The following JAKMIP3 variants were observed in gnomAD, a reference collection of about 807,000 sequenced individuals.
JAKMIP3 encodes Janus kinase and microtubule interacting protein 3.
Under a neutral mutation model 118.5 loss-of-function variants are expected in JAKMIP3, and 58 were observed. That is an observed-to-expected ratio of 0.49 (90% CI 0.40 to 0.61). The LOEUF (loss-of-function observed/expected upper bound fraction) is 0.61. JAKMIP3 is among the 20% of genes least tolerant of loss of function. JAKMIP3 has a pLI of 0.00. For synonymous variants in JAKMIP3, 486 were observed against 451.2 expected (o/e 1.08, Z -0.98); for missense variants, 950 against 1,109.0 (o/e 0.86, Z 2.04).
chr10:132,165,974 A>G (rs980959260), intron 21 of JAKMIP3, among the ~76,000 whole-genome samples: 1 of 152,150 alleles, frequency 6.6e-6, no homozygotes, highest in Non-Finnish European at 1.5e-5. Context: ...CCCCAAACCA[A>G]ATGTCTGTTT....
intron 23 of JAKMIP3, among the ~76,000 whole-genome samples, chr10:132,171,652 C>CTTTTTTTTTTTTTTTT (rs34371364): frequency 7.4e-6 from 1 of 135,770 alleles, no homozygotes. Context: ...TTTTTTCTTT[C>CTTTTTTTTTTTTTTTT]TTTTTTTTTT....
chr10:132,042,937 A>AAAT (rs3068004), intron 1 of JAKMIP3, among the ~76,000 whole-genome samples: 80,682 of 148,388 alleles, frequency 0.54, 23,047 homozygotes, highest in East Asian at 0.81. Context: ...AAAAAAAAAA[A>AAAT]ACAAAAATTA....
At chr10:132,133,247 G>A (rs1023502323) in intron 3 of JAKMIP3, 65 bp from the exon 4 acceptor site, 13 of 1,376,808 alleles carry the variant, frequency 9.4e-6, no homozygotes, top group South Asian at 3.8e-5. Flanking sequence ...GGCTGCGCCC[G>A]TTTCTATGGT....
intron 1 of JAKMIP3, among the ~76,000 whole-genome samples, chr10:132,070,291 G>C (rs997326498): frequency 1.3e-5 from 2 of 152,256 alleles, no homozygotes; most frequent in African/African-American, 2.4e-5. Context: ...GGAATTACAG[G>C]TGTCCGCCAC....
At position 132,117,155 on chromosome 10, in the gene JAKMIP3, C is replaced by T; in HGVS notation, c.214C>T (p.Leu72Phe). The T allele has an allele frequency of 6.2e-7, 1 of 1,613,808 alleles. No individual in the cohort carries two copies. The highest frequency in any genetic ancestry group is 8.5e-7 in the Non-Finnish European group (1 of 1,179,886). The part of the protein sequence containing the change: ...EHEQHKTAVL[L>F]TELKTKLHEE... ...TGAGCAGCATAAGACCGCGGTCTTG[C>T]TCACGGAGCTCAAGACAAAGCTGCA... is the stretch of plus-strand genomic sequence containing the variant. Residue 72 changes from leucine (L) to phenylalanine (F), a missense_variant, in exon 3 of 24, where the codon CTC becomes TTC. Physicochemically the swap from Leu to Phe is conservative, Grantham distance 22. Coordinates refer to ENST00000684848, the MANE Select transcript of JAKMIP3 (RefSeq NM_001323087.2). The surrounding 1 kb of genome is among the most constrained non-coding windows in gnomAD (Gnocchi z 8.6).
rs1189302656 is a variant in JAKMIP3, at chr10:132,145,123, A to G, written c.1619A>G (p.Gln540Arg). 6.2e-7 allele frequency: 1 copy of G among 1,612,458 alleles called. No individual in the cohort carries two copies. Residue 540 changes from glutamine (Q) to arginine (R), a missense_variant, in exon 12 of 24, where the codon CAA becomes CGA. Gln to Arg is a conservative substitution (Grantham distance 43, BLOSUM62 1). Transcript: ENST00000684848. ...EREVKTREQL[Q>R]AEVQRAQARI... ...GTCCTACAGACCCGTGAGCAGCTAC[A>G]AGCCGAAGTGCAGAGGGCACAGGCG...
rs1439143197 is a variant in JAKMIP3, at chr10:132,135,992, C to G, written c.1032C>G (p.Leu344=). The change falls in exon 6 of 24, where the codon CTC becomes CTG. Residue 344 remains leucine (L), a synonymous_variant. Coordinates refer to ENST00000684848, the MANE Select transcript of JAKMIP3 (RefSeq NM_001323087.2). ...CTCTGCTGGATAAAAACAAGCGCCTCAGTCGGAAGAACGAGGATTTGTCTC... is the reference window on the plus strand; with the variant it reads ...CTCTGCTGGATAAAAACAAGCGCCTGAGTCGGAAGAACGAGGATTTGTCTC... ...YKPLLDKNKR[L]SRKNEDLSHA... is the part of the protein sequence containing the mutation. 1 of 1,613,478 alleles carries G rather than the reference C, an allele frequency of 6.2e-7. No homozygotes were observed. Among genetic ancestry groups the G allele is most frequent in the East Asian group, 2.2e-5 (1 of 44,886 alleles).
intron 1 of JAKMIP3, among the ~76,000 whole-genome samples, 45 bp downstream of exon 1, chr10:132,066,106 G>T (rs144182028): frequency 6.6e-6 from 1 of 152,136 alleles, no homozygotes; most frequent in Admixed American, 6.5e-5. Context: ...TGTTGGTTTC[G>T]GTTTGGCTGT....
intron 19 of JAKMIP3, among the ~76,000 whole-genome samples, chr10:132,157,529 GTGT>G (rs1162330107): frequency 1.3e-5 from 2 of 152,302 alleles, no homozygotes; most frequent in Admixed American, 6.5e-5. Flanking sequence ...CACACTTAAG[GTGT>G]TGTTAGGAAC....
upstream of JAKMIP3, among the ~76,000 whole-genome samples, chr10:132,065,581 G>A (rs1215241874): frequency 5.9e-5 from 9 of 152,072 alleles, no homozygotes; most frequent in Admixed American, 4.6e-4. The surrounding 1 kb of genome is among the most constrained non-coding windows in gnomAD (Gnocchi z 5.6). Context: ...GGCCTCTGCC[G>A]CTCGCTGGTT....
intron 1 of JAKMIP3, among the ~76,000 whole-genome samples, chr10:132,089,431 G>A (rs1303149488): frequency 7.2e-5 from 11 of 152,178 alleles, no homozygotes; most frequent in Admixed American, 7.2e-4. Context: ...CACATCCCTT[G>A]TAAGTTGGAT....
At position 132,180,718 on chromosome 10, in the gene JAKMIP3, T is replaced by TGTGTGCGCGCGTGTGTGCGC. The variant is rs2061140602; in HGVS notation, c.*1104-1638_*1104-1637insTGTGCGCGCGTGTGTGCGCG. Reference sequence around the variant, plus strand: ...GTGCGTGTGTGTGTGCGCGTGTGTGTGCGTGTGTGTGCGTGTGTGCGTGCG... The same window carrying TGTGTGCGCGCGTGTGTGCGC: ...GTGCGTGTGTGTGTGCGCGTGTGTGTGTGTGCGCGCGTGTGTGCGCGCGTGTGTGTGCGTGTGTGCGTGCG... On this transcript the variant is annotated intron_variant, in intron 23 of 23. Transcript: ENST00000684848. 1.1e-4 allele frequency among the ~76,000 whole-genome samples: 2 copies of TGTGTGCGCGCGTGTGTGCGC among 18,774 alleles called. 1 individual carries two copies. The highest frequency in any genetic ancestry group is 6.0e-4 in the African/African-American group (2 of 3,338). The allele number at this position is 18,774 out of a possible 152,430, so 12.3% of individuals were successfully genotyped here.
chr10:132,166,438 C>T (rs893958149), intron 21 of JAKMIP3, among the ~76,000 whole-genome samples: 5 of 152,318 alleles, frequency 3.3e-5, no homozygotes, highest in East Asian at 1.9e-4. Flanking sequence ...GCCTGGCTCC[C>T]GACCCCCAGC....
At chr10:132,072,758 T>C (rs1019590439) in intron 1 of JAKMIP3, among the ~76,000 whole-genome samples, 1 of 152,208 alleles carries the variant, frequency 6.6e-6, no homozygotes, top group African/African-American at 2.4e-5. Flanking sequence ...CCTCTCTTTT[T>C]AAAATTTTTA....
intron 19 of JAKMIP3, among the ~76,000 whole-genome samples, chr10:132,154,554 C>T (rs1304652732): frequency 1.3e-5 from 2 of 152,232 alleles, no homozygotes; most frequent in East Asian, 1.9e-4. Flanking sequence ...ACTCCTATCA[C>T]GTGACGGAAG....
chr10:132,143,153 G>GT, intron 11 of JAKMIP3, among the ~76,000 whole-genome samples: 1 of 151,884 alleles, frequency 6.6e-6, no homozygotes, highest in African/African-American at 2.4e-5. Flanking sequence ...GGGGTGGGGG[G>GT]GGCTGGCCTT....
At chr10:132,085,978 T>C (rs779654588) in intron 1 of JAKMIP3, among the ~76,000 whole-genome samples, 1 of 152,164 alleles carries the variant, frequency 6.6e-6, no homozygotes, top group Non-Finnish European at 1.5e-5. Flanking sequence ...TTTGTGCTCT[T>C]GCAGATTTTT....
intron 19 of JAKMIP3, among the ~76,000 whole-genome samples, chr10:132,156,579 C>A (rs147199948): frequency 3.3e-5 from 5 of 152,332 alleles, no homozygotes; most frequent in Non-Finnish European, 7.3e-5. Flanking sequence ...ACACTGCAAG[C>A]CTCAGTTTGG....
intron 1 of JAKMIP3, among the ~76,000 whole-genome samples, chr10:132,047,044 C>T (rs1052301602): frequency 6.6e-6 from 1 of 152,130 alleles, no homozygotes; most frequent in Non-Finnish European, 1.5e-5. Context: ...CCACACCCAG[C>T]TATTTAAAAA....
Sources: allele counts gnomAD v4.1 joint callset (sites outside exome capture counted in the v4.1 genomes callset), GRCh38; gene constraint gnomAD v4.1.1; non-coding constraint Gnocchi (gnomAD v3.1); transcripts MANE v1.5; gene names NCBI Gene and HGNC (gene_info 2026-07-23, HGNC 2026-07-21).